Variants in TRAPPC9 observed in about 807,000 individuals in gnomAD.
TRAPPC9 encodes IKK2 binding protein.
Under a neutral mutation model 124.0 loss-of-function variants are expected in TRAPPC9, and 83 were observed. That is an observed-to-expected ratio of 0.67 (90% confidence interval 0.56 to 0.80). The LOEUF (loss-of-function observed/expected upper bound fraction) is 0.80. Ranked by LOEUF, TRAPPC9 falls within the 30% of genes least tolerant of loss-of-function variation. TRAPPC9 has a pLI of 0.00. For synonymous variants in TRAPPC9, 638 were observed against 617.5 expected, an observed-to-expected ratio of 1.03 and a Z score of -0.49; for missense variants, 1,302 against 1,508.3, an observed-to-expected ratio of 0.86 and a Z score of 2.27.
intron 17 of TRAPPC9, among the ~76,000 whole-genome samples, chr8:140,089,398 C>T (rs111824670): frequency 6.6e-6 from 1 of 152,130 alleles, no homozygotes; most frequent in African/African-American, 2.4e-5. Context: ...ACACCATGGA[C>T]CAGGCAGCCC....
intron 19 of TRAPPC9, among the ~76,000 whole-genome samples, chr8:139,968,171 A>G (rs1002437284): frequency 2.0e-5 from 3 of 151,910 alleles, no homozygotes; most frequent in African/African-American, 7.3e-5. Context: ...AAAAAACAAA[A>G]CAAAATAAAA....
chr8:139,791,155 G>A (rs773050487), intron 21 of TRAPPC9, among the ~76,000 whole-genome samples: 4 of 152,182 alleles, frequency 2.6e-5, no homozygotes, highest in Non-Finnish European at 5.9e-5. Flanking sequence ...CCACGCTGGT[G>A]AGAACAGGGT....
Position 140,320,104 on chromosome 8 carries a change from A to G in TRAPPC9, c.1496-8730T>C, listed in dbSNP as rs75400911. Among the ~76,000 whole-genome samples, 1,816 of 152,354 alleles carry G rather than the reference A, an allele frequency of 0.012. 119 individuals carry two copies. The East Asian group carries it at 0.21, about 17-fold the overall frequency. On this transcript the variant is annotated intron_variant, in intron 9 of 22. Transcript: ENST00000438773. ...ACACGGAGGAAAAAGTACAGGTGTG[A>G]TTTGATCAAATATCTGAAGTTACAT...
chr8:139,939,605 G>T (rs1431744708), intron 19 of TRAPPC9, among the ~76,000 whole-genome samples: 1 of 152,136 alleles, frequency 6.6e-6, no homozygotes, highest in African/African-American at 2.4e-5. Flanking sequence ...CCTGTCGTGG[G>T]GCTGATGTGC....
At chr8:140,263,642 A>T (rs1487109607) in intron 15 of TRAPPC9, among the ~76,000 whole-genome samples, 1 of 152,198 alleles carries the variant, frequency 6.6e-6, no homozygotes, top group Non-Finnish European at 1.5e-5. Context: ...GTAGTATAAC[A>T]ACCAGAAGAG....
chr8:140,379,800 C>T (rs573682948), intron 7 of TRAPPC9, among the ~76,000 whole-genome samples: 1 of 152,302 alleles, frequency 6.6e-6, no homozygotes, highest in African/African-American at 2.4e-5. Context: ...ATTCCTACAA[C>T]ACCTTATCTA....
At chr8:140,395,483 G>T (rs529858020) in intron 7 of TRAPPC9, among the ~76,000 whole-genome samples, 1 of 152,268 alleles carries the variant, frequency 6.6e-6, no homozygotes, top group East Asian at 1.9e-4. Flanking sequence ...CAGTCTGTGT[G>T]CTCAACTCTC....
At chr8:140,259,901 G>A (rs145325317) in intron 15 of TRAPPC9, among the ~76,000 whole-genome samples, 14 of 152,306 alleles carry the variant, frequency 9.2e-5, no homozygotes, top group South Asian at 8.3e-4. Flanking sequence ...GCTTAGAACA[G>A]ACGGAAAAGA....
At chr8:139,737,390 G>A (rs916623781) in intron 21 of TRAPPC9, among the ~76,000 whole-genome samples, 1 of 136,442 alleles carries the variant, frequency 7.3e-6, no homozygotes, top group African/African-American at 2.7e-5. Context: ...GCCAGCGCAT[G>A]TGTCCCCTCC....
chr8:139,822,765 G>C (rs150005459), intron 21 of TRAPPC9, among the ~76,000 whole-genome samples: 1 of 152,242 alleles, frequency 6.6e-6, no homozygotes, highest in African/African-American at 2.4e-5. Flanking sequence ...CCATGGCTGG[G>C]TAGGGTGGCA....
At chr8:140,404,745 A>C (rs562754085) in intron 6 of TRAPPC9, among the ~76,000 whole-genome samples, 2 of 149,080 alleles carry the variant, frequency 1.3e-5, no homozygotes, top group African/African-American at 2.5e-5. Context: ...TGCACGCGTG[A>C]GCATGTGTGT....
At chr8:140,064,196 A>T (rs1842782869) in intron 17 of TRAPPC9, among the ~76,000 whole-genome samples, 1 of 151,916 alleles carries the variant, frequency 6.6e-6, no homozygotes, top group South Asian at 2.1e-4. Flanking sequence ...AACCCACATG[A>T]CCCTTTCCTG....
intron 21 of TRAPPC9, among the ~76,000 whole-genome samples, chr8:139,804,130 C>T (rs1360683750): frequency 2.8e-5 from 4 of 142,582 alleles, no homozygotes; most frequent in African/African-American, 1.0e-4. Flanking sequence ...CACCACCACA[C>T]ACACACCCAC....
In TRAPPC9 at chr8:140,038,746, A is replaced by T. The variant is rs145534262; in HGVS notation, c.2557-14667T>A. ...GAGGCAGCTGAGCACAGAGGTCTCGACAGGAAACCAGATGTGCCAATATCT... is the reference window on the plus strand; with the variant it reads ...GAGGCAGCTGAGCACAGAGGTCTCGTCAGGAAACCAGATGTGCCAATATCT... On this transcript the variant is annotated intron_variant, in intron 17 of 22. Coordinates refer to ENST00000438773, the MANE Select transcript of TRAPPC9 (RefSeq NM_001160372.4). Among the ~76,000 whole-genome samples the T allele has an allele frequency of 4.8e-3, 724 of 152,352 alleles. 8 individuals carry two copies. Among genetic ancestry groups the T allele is most frequent in the African/African-American group, 0.017 (695 of 41,576 alleles).
intron 19 of TRAPPC9, among the ~76,000 whole-genome samples, chr8:139,981,096 C>T (rs1321102767): frequency 1.3e-5 from 2 of 152,240 alleles, no homozygotes; most frequent in African/African-American, 2.4e-5. Context: ...CTTCTCCAGG[C>T]TGAACGCAAA....
chr8:140,435,076 C>A (rs1294735141), intron 4 of TRAPPC9, 36 bp downstream of exon 4: 3 of 1,613,920 alleles, frequency 1.9e-6, no homozygotes, highest in Non-Finnish European at 2.5e-6. Context: ...TTAAAGACTG[C>A]AAGTGAGCAG....
chr8:139,950,863 G>A (rs1834593249), intron 19 of TRAPPC9, among the ~76,000 whole-genome samples: 1 of 152,216 alleles, frequency 6.6e-6, no homozygotes, highest in Non-Finnish European at 1.5e-5. Context: ...AGGCCTCTTT[G>A]GTATGCACCA....
intron 21 of TRAPPC9, among the ~76,000 whole-genome samples, chr8:139,751,002 G>C (rs1819274041): frequency 6.6e-6 from 1 of 152,240 alleles, no homozygotes; most frequent in African/African-American, 2.4e-5. Context: ...GCTGCAGACA[G>C]CCAAGCACAA....
At chr8:140,199,495 C>G (rs2062740470) in intron 17 of TRAPPC9, among the ~76,000 whole-genome samples, 1 of 151,588 alleles carries the variant, frequency 6.6e-6, no homozygotes, top group Non-Finnish European at 1.5e-5. Context: ...GGAATGTGAA[C>G]CTAGGGCCAT....
Sources: gnomAD v4.1 joint callset for allele counts (sites outside exome capture counted in the v4.1 genomes callset) on GRCh38, gnomAD v4.1.1 for gene constraint, MANE v1.5 for transcripts, NCBI Gene and HGNC (gene_info 2026-07-23, HGNC 2026-07-21) for gene names.